The following SMOC1 variants were observed in gnomAD, a reference collection of about 807,000 sequenced individuals.
SMOC1 encodes SPARC related modular calcium binding 1.
In SMOC1, 22 loss-of-function variants were observed where a neutral mutation model predicts 56.3. The ratio of observed to expected loss-of-function variants is 0.39; its 90% CI spans 0.28 to 0.56. SMOC1 has a LOEUF of 0.56. SMOC1 is among the 20% of genes least tolerant of loss of function. SMOC1 has a pLI of 0.61. For synonymous variants in SMOC1, 193 were observed against 215.0 expected, an observed-to-expected ratio of 0.90 and a Z score of 0.89; for missense variants, 509 against 565.4, an observed-to-expected ratio of 0.90 and a Z score of 1.01.
intron 6 of SMOC1, 185 bp from the exon 7 acceptor site, chr14:69,994,215 G>C (rs1884680500): frequency 2.9e-6 from 2 of 701,016 alleles, no homozygotes; most frequent in Non-Finnish European, 5.2e-6. Context: ...GCTCTTATGA[G>C]CTGTTGGGGA....
chr14:69,891,246 AGGGC>A, intron 1 of SMOC1, among the ~76,000 whole-genome samples: 1 of 151,990 alleles, frequency 6.6e-6, no homozygotes, highest in East Asian at 1.9e-4. Flanking sequence ...ATTGTTAAGT[AGGGC>A]AAACTGGAAT....
At chr14:70,007,903 ACT>A (rs1364982441) in intron 7 of SMOC1, among the ~76,000 whole-genome samples, 7 of 151,826 alleles carry the variant, frequency 4.6e-5, no homozygotes, top group African/African-American at 1.7e-4. Flanking sequence ...TGTAAGACAA[ACT>A]CTCTGTGTAC....
chr14:69,936,940 G>A (rs1022333206), intron 1 of SMOC1, among the ~76,000 whole-genome samples: 2 of 152,054 alleles, frequency 1.3e-5, no homozygotes, highest in Non-Finnish European at 2.9e-5. Flanking sequence ...TGTATTATAT[G>A]TATGTATATT....
At chr14:69,926,189 A>G (rs7146687) in intron 1 of SMOC1, among the ~76,000 whole-genome samples, 3,924 of 152,324 alleles carry the variant, frequency 0.026, 135 homozygotes, top group African/African-American at 0.081. Context: ...AACAAGAAGC[A>G]GGATTTTCCT....
At chr14:69,929,252 C>G (rs996543720) in intron 1 of SMOC1, among the ~76,000 whole-genome samples, 2 of 152,164 alleles carry the variant, frequency 1.3e-5, no homozygotes, top group African/African-American at 4.8e-5. Flanking sequence ...ATCTGCCTCC[C>G]CCAAACAATT....
chr14:69,927,922 C>T (rs565437008), intron 1 of SMOC1, among the ~76,000 whole-genome samples: 57 of 152,188 alleles, frequency 3.7e-4, no homozygotes, highest in Middle Eastern at 3.4e-3. Flanking sequence ...TAACTTGAAG[C>T]TAAGAGGGAC....
At chr14:70,011,439 C>T (rs774584878) in intron 8 of SMOC1, 46 bp from the exon 9 acceptor site, 2 of 1,530,626 alleles carry the variant, frequency 1.3e-6, no homozygotes, top group African/African-American at 2.7e-5. Flanking sequence ...GAAGTAGGCT[C>T]AGTTGCCAGC....
At chr14:69,973,827 C>T (rs183134945) in intron 3 of SMOC1, among the ~76,000 whole-genome samples, 1 of 152,264 alleles carries the variant, frequency 6.6e-6, no homozygotes, top group African/African-American at 2.4e-5. Flanking sequence ...TGGATTTCAC[C>T]AAGGCTGTCA....
intron 10 of SMOC1, among the ~76,000 whole-genome samples, chr14:70,020,680 G>A (rs1306652444): frequency 3.3e-5 from 5 of 152,268 alleles, no homozygotes; most frequent in East Asian, 3.9e-4. Flanking sequence ...ATCAGAAGTC[G>A]TGGCTGCCCT....
chr14:69,960,265 G>C (rs1171192366), intron 3 of SMOC1, among the ~76,000 whole-genome samples: 1 of 152,170 alleles, frequency 6.6e-6, no homozygotes, highest in Non-Finnish European at 1.5e-5. Flanking sequence ...CTTGCCTAGA[G>C]CAACAGTTTG....
At chr14:69,943,572 A>T (rs1882659609) in intron 1 of SMOC1, among the ~76,000 whole-genome samples, 1 of 152,208 alleles carries the variant, frequency 6.6e-6, no homozygotes, top group African/African-American at 2.4e-5. Flanking sequence ...ACGTGGTGAG[A>T]GGCGAACAGT....
At chr14:69,936,271 C>T (rs2139404345) in intron 1 of SMOC1, among the ~76,000 whole-genome samples, 1 of 152,348 alleles carries the variant, frequency 6.6e-6, no homozygotes, top group South Asian at 2.1e-4. Context: ...TAGAGTTCAT[C>T]CCAACTGGTG....
chr14:69,953,679 C>G (rs1028050399), intron 3 of SMOC1, 147 bp downstream of exon 3: 1 of 726,690 alleles, frequency 1.4e-6, no homozygotes. Context: ...GCTGCCTTCC[C>G]CCTCTCTGGC....
intron 10 of SMOC1, among the ~76,000 whole-genome samples, chr14:70,020,269 G>T (rs1325348030): frequency 6.6e-6 from 1 of 151,894 alleles, no homozygotes; most frequent in Non-Finnish European, 1.5e-5. Flanking sequence ...TCACATCTTT[G>T]TGTAGGCTCT....
intron 3 of SMOC1, among the ~76,000 whole-genome samples, chr14:69,968,488 C>A (rs1056784879): frequency 1.3e-5 from 2 of 152,124 alleles, no homozygotes; most frequent in African/African-American, 2.4e-5. Context: ...CCCATGGCAC[C>A]CATGGAAAAC....
chr14:69,977,138 G>C (rs1050825159), intron 4 of SMOC1, among the ~76,000 whole-genome samples: 5 of 152,214 alleles, frequency 3.3e-5, no homozygotes, highest in Admixed American at 6.5e-5. Flanking sequence ...TGGAGAAGGA[G>C]TATGACATGG....
At position 69,897,568 on chromosome 14, in the gene SMOC1, T is replaced by TAA. The variant is rs61418046; in HGVS notation, c.99+17803_99+17804dup. ...CTTTTCTTAGTGTAGCAATTATACT[T>TAA]AAAAAAAAAAAAACTTTTCGAAGTG... On this transcript the variant is annotated intron_variant, in intron 1 of 11. Coordinates refer to ENST00000361956, the MANE Select transcript of SMOC1 (RefSeq NM_001034852.3). 6.0e-4 allele frequency among the ~76,000 whole-genome samples: 88 copies of TAA among 145,456 alleles called. 1 individual carries two copies. The highest frequency in any genetic ancestry group is 7.4e-4 in the Non-Finnish European group (49 of 65,776).
At position 69,881,364 on chromosome 14, in the gene SMOC1, C is replaced by G. The variant is rs1283448415; in HGVS notation, c.99+1587C>G. Among the ~76,000 whole-genome samples the G allele has an allele frequency of 5.9e-5, 9 of 152,110 alleles. No individual in the cohort carries two copies. In the East Asian group the frequency reaches 1.6e-3, roughly 26 times the overall value. ...ACAGGAGGGTCGAAAGGAGAGAGGC[C>G]CTGAGACAAATGGTGGGGGGCTCGT... On this transcript the variant is annotated intron_variant, in intron 1 of 11. Coordinates refer to ENST00000361956, the MANE Select transcript of SMOC1 (RefSeq NM_001034852.3).
intron 1 of SMOC1, among the ~76,000 whole-genome samples, chr14:69,936,741 T>C (rs991058153): frequency 6.6e-6 from 1 of 152,226 alleles, no homozygotes; most frequent in Non-Finnish European, 1.5e-5. Flanking sequence ...TTAAAACAGG[T>C]GTTTTTTAGG....
Sources: gnomAD v4.1 joint callset for allele counts (sites outside exome capture counted in the v4.1 genomes callset) on GRCh38, gnomAD v4.1.1 for gene constraint, MANE v1.5 for transcripts, NCBI Gene and HGNC (gene_info 2026-07-23, HGNC 2026-07-21) for gene names.